The following AUTS2 variants were observed in gnomAD, a reference collection of about 807,000 sequenced individuals.
AUTS2 encodes activator of transcription and developmental regulator AUTS2, also known as autism susceptibility gene 2 protein.
In AUTS2, 17 loss-of-function variants were observed where a neutral mutation model predicts 112.4. That is an observed-to-expected ratio of 0.15 (90% CI 0.10 to 0.23). The LOEUF is 0.23. Among genes scored for constraint, AUTS2 ranks in the 10% least tolerant of loss-of-function variants. The probability of loss-of-function intolerance (pLI) is 1.00; values close to 1 mark genes in which losing one functional copy is unlikely to be tolerated. For missense variants in AUTS2, 1,510 were observed against 1,701.6 expected (o/e 0.89, Z 1.98); for synonymous variants, 751 against 702.7 (o/e 1.07, Z -1.09).
intron 2 of AUTS2, among the ~76,000 whole-genome samples, chr7:69,962,184 C>T (rs1397344629): frequency 6.6e-6 from 1 of 152,090 alleles, no homozygotes; most frequent in Non-Finnish European, 1.5e-5. Context: ...AGATCATTCT[C>T]CCACCTTCAA....
intron 4 of AUTS2, among the ~76,000 whole-genome samples, chr7:70,408,434 A>T (rs1794634555): frequency 6.6e-6 from 1 of 152,206 alleles, no homozygotes; most frequent in Non-Finnish European, 1.5e-5. Context: ...AAGAGGGCAC[A>T]TTATGAGAAA....
chr7:69,965,343 C>T (rs769752640), intron 2 of AUTS2, among the ~76,000 whole-genome samples: 2 of 152,148 alleles, frequency 1.3e-5, no homozygotes, highest in Non-Finnish European at 2.9e-5. Flanking sequence ...CAACTACTAG[C>T]GAGGCATCAA....
intron 2 of AUTS2, among the ~76,000 whole-genome samples, chr7:69,955,317 T>C (rs763614745): frequency 3.3e-5 from 5 of 152,164 alleles, no homozygotes; most frequent in Non-Finnish European, 7.4e-5. Context: ...CTCTGGACAG[T>C]GCCTTCTCCT....
At chr7:69,910,873 G>A (rs537995310) in intron 2 of AUTS2, among the ~76,000 whole-genome samples, 8 of 152,216 alleles carry the variant, frequency 5.3e-5, no homozygotes, top group East Asian at 3.9e-4. Flanking sequence ...TGATCCGCCC[G>A]CCTCGGCCTC....
At chr7:70,771,692 T>C (rs1456086635) in intron 11 of AUTS2, 48 bp downstream of exon 11, 1 of 1,558,678 alleles carries the variant, frequency 6.4e-7, no homozygotes, top group Non-Finnish European at 8.8e-7. Context: ...CTAAGTGGCG[T>C]CCCGGGCCAG....
chr7:70,694,899 C>G lies in AUTS2; in HGVS notation c.691-3670C>G, dbSNP rs990291115. On this transcript the variant is annotated intron_variant, in intron 5 of 18. Coordinates refer to ENST00000342771, the MANE Select transcript of AUTS2 (RefSeq NM_015570.4). This position sits in a 1 kb window ranked among gnomAD's most constrained non-coding sequence, Gnocchi z 4.1. ...GAAGGAGCCCAGAGACTCTTGTGGA[C>G]AGAGCCGGGTCGAGAGTTGGGCGTT... 2.0e-5 allele frequency: 3 copies of G among 152,290 alleles called. No individual in the cohort carries two copies. The highest frequency in any genetic ancestry group is 7.2e-5 in the African/African-American group (3 of 41,466). 9.4% of individuals were successfully genotyped at this position (152,290 alleles called of 1,614,324 possible).
intron 2 of AUTS2, among the ~76,000 whole-genome samples, chr7:69,985,568 C>T (rs762999354): frequency 2.0e-5 from 3 of 152,130 alleles, no homozygotes; most frequent in African/African-American, 4.8e-5. Flanking sequence ...CCTATGAAGC[C>T]GTATGTGGCT....
intron 4 of AUTS2, among the ~76,000 whole-genome samples, chr7:70,410,462 C>T (rs1309768845): frequency 1.3e-5 from 2 of 151,410 alleles, no homozygotes; most frequent in African/African-American, 2.4e-5. Flanking sequence ...GAGTCTCTAT[C>T]GCCCAGGCTG....
At chr7:69,644,908 T>A (rs567540269) in intron 1 of AUTS2, among the ~76,000 whole-genome samples, 1 of 151,882 alleles carries the variant, frequency 6.6e-6, no homozygotes, top group Non-Finnish European at 1.5e-5. Context: ...AAGTCTTGAA[T>A]TCTGTTTTAT....
chr7:69,717,509 G>C (rs1798675469), intron 1 of AUTS2, among the ~76,000 whole-genome samples: 1 of 152,190 alleles, frequency 6.6e-6, no homozygotes, highest in South Asian at 2.1e-4. Context: ...TAACTCTTAG[G>C]GGAAATGAGG....
intron 5 of AUTS2, among the ~76,000 whole-genome samples, chr7:70,530,419 T>C (rs1800035003): frequency 6.6e-6 from 1 of 152,308 alleles, no homozygotes; most frequent in Admixed American, 6.5e-5. Flanking sequence ...TCTGTGAGCA[T>C]GGGTCTCTGG....
intron 1 of AUTS2, among the ~76,000 whole-genome samples, chr7:69,709,707 CT>C (rs1390671271): frequency 2.0e-5 from 3 of 152,174 alleles, no homozygotes; most frequent in Non-Finnish European, 2.9e-5. Context: ...TCTCCTGAGT[CT>C]TTTCACTGTG....
chr7:69,695,268 G>A (rs530358515), intron 1 of AUTS2, among the ~76,000 whole-genome samples: 7 of 152,186 alleles, frequency 4.6e-5, no homozygotes, highest in East Asian at 1.9e-4. Context: ...GATCAAGGCC[G>A]CCGTGAACTG....
At chr7:70,591,646 G>A (rs1332644012) in intron 5 of AUTS2, among the ~76,000 whole-genome samples, 152 of 152,132 alleles carry the variant, frequency 1.0e-3, no homozygotes, top group African/African-American at 3.4e-3. Flanking sequence ...TGATTCTCCC[G>A]CCTCAGCCTC....
chr7:70,058,314 G>A (rs1463809452), intron 2 of AUTS2, among the ~76,000 whole-genome samples: 1 of 152,090 alleles, frequency 6.6e-6, no homozygotes, highest in Non-Finnish European at 1.5e-5. Flanking sequence ...CTGGAGTTTT[G>A]GAAACAATTC....
At chr7:70,269,744 A>G (rs1015317524) in intron 4 of AUTS2, among the ~76,000 whole-genome samples, 3 of 152,204 alleles carry the variant, frequency 2.0e-5, no homozygotes, top group African/African-American at 7.2e-5. Flanking sequence ...CCATTTTACT[A>G]TCTCACCTCT....
chr7:69,836,468 A>C (rs1403146464), intron 1 of AUTS2, among the ~76,000 whole-genome samples: 1 of 152,242 alleles, frequency 6.6e-6, no homozygotes, highest in African/African-American at 2.4e-5. Context: ...TGAATTATTT[A>C]AAGTGGATTT....
chr7:70,005,988 T>C (rs1244411345), intron 2 of AUTS2, among the ~76,000 whole-genome samples: 1 of 152,164 alleles, frequency 6.6e-6, no homozygotes, highest in Non-Finnish European at 1.5e-5. Flanking sequence ...TTTTCCGACT[T>C]CATGAACCTA....
intron 2 of AUTS2, among the ~76,000 whole-genome samples, chr7:69,918,664 C>T (rs1258134817): frequency 1.3e-5 from 2 of 152,044 alleles, no homozygotes; most frequent in Non-Finnish European, 2.9e-5. Context: ...AAAAAGTGAC[C>T]ACAAGTGTGC....
Sources: allele counts gnomAD v4.1 joint callset (sites outside exome capture counted in the v4.1 genomes callset), GRCh38; gene constraint gnomAD v4.1.1; non-coding constraint Gnocchi (gnomAD v3.1); transcripts MANE v1.5; gene names NCBI Gene and HGNC (gene_info 2026-07-23, HGNC 2026-07-21).